NRXN3: variants seen among roughly 807,000 people sequenced by gnomAD.
NRXN3 encodes the protein neurexin III.
In NRXN3, 32 loss-of-function variants were observed where a neutral mutation model predicts 137.6. The ratio of observed to expected loss-of-function variants is 0.23; its 90% CI spans 0.18 to 0.31. The LOEUF (loss-of-function observed/expected upper bound fraction) is 0.31, where lower values mean the gene tolerates loss of function less well. Among genes scored for constraint, NRXN3 ranks in the 10% least tolerant of loss-of-function variants. The pLI, the probability that NRXN3 is intolerant of heterozygous loss-of-function variation, is 1.00. For synonymous variants in NRXN3, 798 were observed against 784.5 expected, an observed-to-expected ratio of 1.02 and a Z score of -0.29; for missense variants, 1,574 against 2,062.5, an observed-to-expected ratio of 0.76 and a Z score of 4.59.
intron 16 of NRXN3, among the ~76,000 whole-genome samples, chr14:79,631,570 C>T (rs1209792938): frequency 6.6e-6 from 1 of 152,254 alleles, no homozygotes; most frequent in Non-Finnish European, 1.5e-5. Context: ...TGAAAAGGGA[C>T]GAGCTCCCTC....
Position 79,321,106 on chromosome 14 carries a change from T to C in NRXN3, c.3263-146115T>C, listed in dbSNP as rs115632455. Among the ~76,000 whole-genome samples, 577 of 152,294 alleles carry C rather than the reference T, an allele frequency of 3.8e-3. 7 individuals are homozygous for C. The highest frequency in any genetic ancestry group is 0.013 in the African/African-American group (547 of 41,588). On this transcript the variant is annotated intron_variant, in intron 15 of 20. Coordinates refer to ENST00000335750, the MANE Select transcript of NRXN3 (RefSeq NM_001330195.2). ...CATGTGTGTTTTATTTCTCATGATA[T>C]CAGTTTTTCTTTCTTTGAACTTTGT...
chr14:79,773,087 C>G (rs1020443931), intron 19 of NRXN3, among the ~76,000 whole-genome samples: 1 of 152,168 alleles, frequency 6.6e-6, no homozygotes, highest in Non-Finnish European at 1.5e-5. Context: ...GATACCATCT[C>G]ATACCAGTTA....
chr14:79,414,122 C>T (rs1306474828), intron 15 of NRXN3, among the ~76,000 whole-genome samples: 6 of 151,990 alleles, frequency 3.9e-5, no homozygotes, highest in Non-Finnish European at 7.4e-5. Flanking sequence ...GGAGTGGGGG[C>T]GGCAGGGGGT....
intron 4 of NRXN3, among the ~76,000 whole-genome samples, chr14:78,581,338 C>T (rs2096993543): frequency 6.6e-6 from 1 of 152,200 alleles, no homozygotes; most frequent in Non-Finnish European, 1.5e-5. Flanking sequence ...GATCCAGGTG[C>T]TGGCACGTTT....
chr14:78,439,727 C>T (rs1175615323), intron 4 of NRXN3, among the ~76,000 whole-genome samples: 3 of 152,160 alleles, frequency 2.0e-5, no homozygotes, highest in African/African-American at 4.8e-5. Flanking sequence ...GAAACCAAGG[C>T]GAAATTTGCT....
intron 4 of NRXN3, among the ~76,000 whole-genome samples, chr14:78,569,961 C>A (rs2096874749): frequency 6.6e-6 from 1 of 152,244 alleles, no homozygotes; most frequent in African/African-American, 2.4e-5. Context: ...CTGGCAGTGG[C>A]ACTGGCCTGG....
At chr14:78,539,144 G>A (rs1455733071) in intron 4 of NRXN3, among the ~76,000 whole-genome samples, 2 of 152,172 alleles carry the variant, frequency 1.3e-5, no homozygotes, top group Non-Finnish European at 2.9e-5. Flanking sequence ...GAGTTAGGGA[G>A]GGTTCCCTCT....
intron 19 of NRXN3, among the ~76,000 whole-genome samples, chr14:79,753,582 A>AG (rs374985469): frequency 0.17 from 12,171 of 71,040 alleles, 957 homozygotes; most frequent in Middle Eastern, 0.35. Context: ...GGGTGGGGGG[A>AG]GGGGGGAGGG....
At chr14:78,534,310 A>G (rs2096508514) in intron 4 of NRXN3, among the ~76,000 whole-genome samples, 1 of 152,226 alleles carries the variant, frequency 6.6e-6, no homozygotes, top group African/African-American at 2.4e-5. Context: ...ACTGACAATA[A>G]TGACTATAGA....
At chr14:78,346,065 G>A (rs1013859859) in intron 4 of NRXN3, among the ~76,000 whole-genome samples, 3 of 152,176 alleles carry the variant, frequency 2.0e-5, no homozygotes, top group African/African-American at 4.8e-5. Flanking sequence ...AAGGCCATGG[G>A]TGCTGGCTCA....
intron 16 of NRXN3, among the ~76,000 whole-genome samples, chr14:79,502,913 A>C (rs903355450): frequency 6.6e-6 from 1 of 152,094 alleles, no homozygotes; most frequent in African/African-American, 2.4e-5. Flanking sequence ...AATGAATCAG[A>C]TGGGAGCAGC....
chr14:78,357,677 G>A (rs1385206294), intron 4 of NRXN3, among the ~76,000 whole-genome samples: 2 of 152,144 alleles, frequency 1.3e-5, no homozygotes, highest in African/African-American at 4.8e-5. Context: ...TATAGGCATG[G>A]AATAGTTAAG....
At chr14:79,832,939 AATTT>A (rs776680784) in intron 20 of NRXN3, among the ~76,000 whole-genome samples, 7 of 152,104 alleles carry the variant, frequency 4.6e-5, no homozygotes, top group Non-Finnish European at 8.8e-5. Context: ...CTTGGTTTGT[AATTT>A]TATGGTTTTA....
chr14:79,811,312 G>T (rs1453942473), intron 20 of NRXN3, among the ~76,000 whole-genome samples: 1 of 152,108 alleles, frequency 6.6e-6, no homozygotes, highest in Non-Finnish European at 1.5e-5. Context: ...TATATCGATA[G>T]AAAATTACTT....
At chr14:79,547,905 C>T (rs561327534) in intron 16 of NRXN3, among the ~76,000 whole-genome samples, 14 of 152,214 alleles carry the variant, frequency 9.2e-5, no homozygotes, top group African/African-American at 2.6e-4. Flanking sequence ...GGACTTGCTG[C>T]AATTGTCCTT....
At chr14:79,158,205 CCTAAAAT>C (rs1343288353) in intron 15 of NRXN3, among the ~76,000 whole-genome samples, 1 of 151,752 alleles carries the variant, frequency 6.6e-6, no homozygotes, top group African/African-American at 2.4e-5. Context: ...TTTCTATCTC[CCTAAAAT>C]CAAAACCAAT....
At chr14:79,289,484 G>A (rs1313025025) in intron 15 of NRXN3, among the ~76,000 whole-genome samples, 1 of 152,120 alleles carries the variant, frequency 6.6e-6, no homozygotes, top group African/African-American at 2.4e-5. Context: ...GCTGGGCGTG[G>A]TGGCATACGC....
chr14:78,708,326 T>C (rs943710934), intron 6 of NRXN3, among the ~76,000 whole-genome samples: 2 of 152,218 alleles, frequency 1.3e-5, no homozygotes, highest in Non-Finnish European at 2.9e-5. Context: ...CAGTATTCTT[T>C]GTAAAATCAG....
intron 15 of NRXN3, among the ~76,000 whole-genome samples, chr14:79,227,414 CT>C (rs993482996): frequency 1.3e-5 from 2 of 152,158 alleles, no homozygotes; most frequent in East Asian, 3.9e-4. Flanking sequence ...CATGTGTACA[CT>C]TTTTTTACCC....
Sources: gnomAD v4.1 joint callset for allele counts (sites outside exome capture counted in the v4.1 genomes callset) on GRCh38, gnomAD v4.1.1 for gene constraint, MANE v1.5 for transcripts, NCBI Gene and HGNC (gene_info 2026-07-23, HGNC 2026-07-21) for gene names.